WIF1: variants seen among roughly 807,000 people sequenced by gnomAD.
The protein encoded by WIF1 is Wnt inhibitory factor 1.
A neutral mutation model predicts 53.5 loss-of-function variants in WIF1; 35 were observed. The ratio of observed to expected loss-of-function variants is 0.65; its 90% CI spans 0.50 to 0.87. The LOEUF (loss-of-function observed/expected upper bound fraction) is 0.87. Among genes scored for constraint, WIF1 ranks in the 40% least tolerant of loss-of-function variants. WIF1 has a pLI of 0.00. For synonymous variants in WIF1, 171 were observed against 170.4 expected, an observed-to-expected ratio of 1.00 and a Z score of -0.03; for missense variants, 467 against 476.8, an observed-to-expected ratio of 0.98 and a Z score of 0.19.
intron 3 of WIF1, among the ~76,000 whole-genome samples, chr12:65,072,272 T>C (rs1592391507): frequency 6.6e-6 from 1 of 152,294 alleles, no homozygotes; most frequent in Middle Eastern, 3.4e-3. Flanking sequence ...CTTTCTTGTG[T>C]TTTCTGTCCT....
chr12:65,121,188 C>A lies in WIF1; in HGVS notation c.4G>T (p.Ala2Ser). 1 of 1,529,482 alleles carries A rather than the reference C, an allele frequency of 6.5e-7. No homozygotes were observed. 94.7% of individuals were successfully genotyped at this position (1,529,482 alleles called of 1,614,324 possible). MARRSAFPAAAL... is the reference protein window; with the variant it reads MSRRSAFPAAAL... ...GCGGCAGGGAAGGCGCTCCTCCGGG[C>A]CATGCTGCTCAGGACCTCCTCGCTG... The change falls in exon 1 of 10, where the codon GCC becomes TCC. Residue 2 changes from alanine to serine, a missense_variant. By Grantham distance (99) the Ala-to-Ser change is moderately conservative. Coordinates refer to ENST00000286574, the MANE Select transcript of WIF1 (RefSeq NM_007191.5).
chr12:65,109,551 T>A (rs2136293497), intron 2 of WIF1, among the ~76,000 whole-genome samples: 1 of 152,324 alleles, frequency 6.6e-6, no homozygotes, highest in East Asian at 1.9e-4. Context: ...CCCCAGCTGG[T>A]GACTTCCTGA....
chr12:65,093,864 G>A (rs540145163), intron 2 of WIF1, among the ~76,000 whole-genome samples: 1 of 152,286 alleles, frequency 6.6e-6, no homozygotes, highest in South Asian at 2.1e-4. Flanking sequence ...TTGAGGCTCA[G>A]AGGATGGCTT....
chr12:65,055,121 T>C lies in WIF1; in HGVS notation c.1015A>G (p.Lys339Glu). The C allele has an allele frequency of 6.2e-7, 1 of 1,613,526 alleles. No individual in the cohort carries two copies. Among genetic ancestry groups the C allele is most frequent in the Non-Finnish European group, 8.5e-7 (1 of 1,179,882 alleles). ...QEGWHGRHCN[K>E]RYEASLIHAL... ...ACTTTTTATTTCTCCCACTCACTTT[T>C]ATTGCAGTGTCTTCCATGCCAACCT... The change falls in exon 9 of 10, where the codon AAA (lysine) becomes GAA (glutamate). Residue 339 changes from lysine to glutamate, a missense_variant. Lys to Glu is a moderately conservative substitution (Grantham distance 56, BLOSUM62 1). Transcript: ENST00000286574.
chr12:65,120,586 C>T (rs1272101213), intron 1 of WIF1, 30 bp from the exon 2 acceptor site: 1 of 1,595,126 alleles, frequency 6.3e-7, no homozygotes, highest in Admixed American at 1.8e-5. Flanking sequence ...AACGATCAAA[C>T]CAGGTAGACT....
chr12:65,094,986 G>T lies in WIF1; in HGVS notation c.289-17132C>A, dbSNP rs1177755280. Among the ~76,000 whole-genome samples, 3 of 151,342 alleles carry T rather than the reference G, an allele frequency of 2.0e-5. 1 individual carries two copies. Among genetic ancestry groups the T allele is most frequent in the Non-Finnish European group, 2.9e-5 (2 of 67,878 alleles). On this transcript the variant is annotated intron_variant, in intron 2 of 9. Transcript: ENST00000286574. Reference sequence around the variant, plus strand: ...CTCTCTCTGTCACCCGGGCTAAAGTGCAGTGGTGCAATTTTGACTCACTGC... The same window carrying T: ...CTCTCTCTGTCACCCGGGCTAAAGTTCAGTGGTGCAATTTTGACTCACTGC...
intron 2 of WIF1, among the ~76,000 whole-genome samples, chr12:65,084,947 A>T (rs1345315850): frequency 6.6e-6 from 1 of 152,166 alleles, no homozygotes; most frequent in Non-Finnish European, 1.5e-5. Context: ...AAACACTGAC[A>T]TTTGTTATCT....
intron 2 of WIF1, among the ~76,000 whole-genome samples, chr12:65,119,247 C>A (rs1323972929): frequency 1.3e-5 from 2 of 152,256 alleles, no homozygotes; most frequent in Non-Finnish European, 2.9e-5. Flanking sequence ...GCAATGGAAA[C>A]CTCGATGAAC....
At chr12:65,094,746 G>C (rs1007552889) in intron 2 of WIF1, among the ~76,000 whole-genome samples, 4 of 151,794 alleles carry the variant, frequency 2.6e-5, no homozygotes, top group Non-Finnish European at 5.9e-5. Flanking sequence ...AATAAATAAA[G>C]AGGGCACACA....
At position 65,055,299 on chromosome 12, in the gene WIF1, G is replaced by T. The variant is rs867554186; in HGVS notation, c.923-86C>A. 11 of 1,432,750 alleles carry T rather than the reference G, an allele frequency of 7.7e-6. No individual in the cohort carries two copies. The Middle Eastern group carries it at 2.0e-3, about 260-fold the overall frequency. The allele number at this position is 1,432,750 out of a possible 1,614,324, so 88.8% of individuals were successfully genotyped here. On this transcript the variant is annotated intron_variant, in intron 8 of 9. Transcript: ENST00000286574. The stretch of plus-strand genomic sequence containing the variant: ...TAGTTGCTTTCCTTGCAATTCTTTA[G>T]AATGTGTTAGTTTTGGCTTCATCCT...
intron 9 of WIF1, among the ~76,000 whole-genome samples, chr12:65,053,579 GT>G (rs1001713587): frequency 1.3e-5 from 2 of 152,130 alleles, no homozygotes; most frequent in African/African-American, 2.4e-5. Flanking sequence ...ACGATTGTAA[GT>G]TTCCTGAGGC....
intron 2 of WIF1, among the ~76,000 whole-genome samples, chr12:65,080,728 A>G (rs1478832220): frequency 2.0e-5 from 3 of 152,200 alleles, no homozygotes; most frequent in Non-Finnish European, 4.4e-5. Context: ...TGTAATGCAC[A>G]CCATGTGCCA....
Position 65,068,851 on chromosome 12 carries a change from CA to C in WIF1, c.450del (p.Phe150LeufsTer5). On this transcript the variant is annotated frameshift_variant, in exon 4 of 10. Coordinates refer to ENST00000286574, the MANE Select transcript of WIF1 (RefSeq NM_007191.5). LOFTEE classifies it high-confidence loss of function. ...CLGKQDGVAA[F>X]EVDVIVMNSE... is the part of the protein sequence containing the mutation. Reference sequence around the variant, plus strand: ...GAATTCATAACAATCACATCCACTTCAAATGCTGCCACCCCATCCTGTTTTC... The same window carrying C: ...GAATTCATAACAATCACATCCACTTCAATGCTGCCACCCCATCCTGTTTTC... The C allele has an allele frequency of 6.2e-7, 1 of 1,613,714 alleles. No homozygotes were observed. The highest frequency in any genetic ancestry group is 2.2e-5 in the East Asian group (1 of 44,870).
intron 3 of WIF1, among the ~76,000 whole-genome samples, chr12:65,075,197 G>A (rs1344733563): frequency 1.3e-5 from 2 of 152,268 alleles, no homozygotes; most frequent in East Asian, 1.9e-4. Flanking sequence ...CACTTAGGTC[G>A]GGAAATTAGA....
chr12:65,055,908 A>C, intron 8 of WIF1, 123 bp downstream of exon 8: 2 of 772,876 alleles, frequency 2.6e-6, no homozygotes, highest in Non-Finnish European at 4.1e-6. Flanking sequence ...CATATATGTC[A>C]GTGAAGAAAG....
In WIF1 at chr12:65,055,133, T is replaced by C. The variant is rs1275245016; in HGVS notation, c.1003A>G (p.Arg335Gly). The C allele has an allele frequency of 1.2e-6, 2 of 1,613,936 alleles. No homozygotes were observed. Among genetic ancestry groups the C allele is most frequent in the African/African-American group, 2.7e-5 (2 of 74,922 alleles). Residue 335 changes from arginine to glycine, a missense_variant, in exon 9 of 10, where the codon AGA (arginine) becomes GGA (glycine). Arg to Gly is a moderately radical substitution (Grantham distance 125). Transcript: ENST00000286574. Reference protein sequence around the residue: ...KCQCQEGWHGRHCNKRYEASL... With the variant: ...KCQCQEGWHGGHCNKRYEASL... ...TCCCACTCACTTTTATTGCAGTGTC[T>C]TCCATGCCAACCTTCTTGACATTGG...
At chr12:65,106,787 CTCTGCTCT>C in intron 2 of WIF1, among the ~76,000 whole-genome samples, 1 of 152,362 alleles carries the variant, frequency 6.6e-6, no homozygotes, top group East Asian at 1.9e-4. Flanking sequence ...TCTCTTCCAA[CTCTGCTCT>C]TCTGTGTCTT....
chr12:65,061,598 T>C (rs1423307209), intron 7 of WIF1, among the ~76,000 whole-genome samples: 2 of 152,210 alleles, frequency 1.3e-5, no homozygotes, highest in Non-Finnish European at 2.9e-5. Flanking sequence ...GGCTGGTCAA[T>C]GGCAGAGCCT....
At chr12:65,085,396 C>T (rs1407701551) in intron 2 of WIF1, among the ~76,000 whole-genome samples, 1 of 152,166 alleles carries the variant, frequency 6.6e-6, no homozygotes, top group Admixed American at 6.5e-5. Flanking sequence ...CAATTAGTCA[C>T]ATGAAGTCAG....
Sources: allele counts gnomAD v4.1 joint callset (sites outside exome capture counted in the v4.1 genomes callset), GRCh38; gene constraint gnomAD v4.1.1; transcripts MANE v1.5; gene names NCBI Gene and HGNC (gene_info 2026-07-23, HGNC 2026-07-21).